The following CXADR variants were observed in gnomAD, a reference collection of about 807,000 sequenced individuals.
The protein encoded by CXADR is CXADR cell adhesion molecule.
CXADR carries 20 observed loss-of-function variants against 40.3 expected under a neutral mutation model. That is an observed-to-expected ratio of 0.50 (90% CI 0.35 to 0.72). The LOEUF is 0.72. Among genes scored for constraint, CXADR ranks in the 30% least tolerant of loss-of-function variants. CXADR has a pLI of 0.01. For missense variants in CXADR, 332 were observed against 449.1 expected (o/e 0.74, Z 2.36); for synonymous variants, 150 against 161.3 (o/e 0.93, Z 0.53).
chr21:17,584,475 G>A (rs1468927029), intron 7 of CXADR, among the ~76,000 whole-genome samples: 1 of 152,132 alleles, frequency 6.6e-6, no homozygotes, highest in East Asian at 1.9e-4. Flanking sequence ...CGTTCAAATG[G>A]TTCCTAATGT....
At chr21:17,613,139 G>A in the CXADR span, 1 of 152,232 alleles carries the variant, frequency 6.6e-6, no homozygotes, top group East Asian at 1.9e-4. Flanking sequence ...GCGGTCCGCA[G>A]AACCGCGGGC....
At chr21:17,525,815 A>G (rs1357410578) in intron 1 of CXADR, among the ~76,000 whole-genome samples, 1 of 152,196 alleles carries the variant, frequency 6.6e-6, no homozygotes, top group African/African-American at 2.4e-5. Flanking sequence ...TATTATTCTC[A>G]TGTATAGGAA....
intron 3 of CXADR, among the ~76,000 whole-genome samples, chr21:17,555,104 A>T (rs2061017280): frequency 6.6e-6 from 1 of 152,202 alleles, no homozygotes; most frequent in South Asian, 2.1e-4. Context: ...AAGAGAGTTG[A>T]TAGAAGGTTA....
intron 1 of CXADR, among the ~76,000 whole-genome samples, chr21:17,540,266 T>A (rs564737346): frequency 3.9e-5 from 6 of 152,170 alleles, no homozygotes; most frequent in African/African-American, 1.4e-4. Flanking sequence ...AGGTCAGGGA[T>A]TCAACATATG....
rs2061195591 is a variant in CXADR, at chr21:17,565,582, C to T, written c.988C>T (p.Pro330Ser). 3 of 1,613,480 alleles carry T rather than the reference C, an allele frequency of 1.9e-6. No homozygotes were observed. Among genetic ancestry groups the T allele is most frequent in the Non-Finnish European group, 2.5e-6 (3 of 1,179,848 alleles). ...QVPSEDFERT[P>S]QSPTLPPAKV... ...ACCAAGTGAAGACTTTGAACGCACTCCTCAGAGTCCGACTCTCCCACCTGC... is the reference window on the plus strand; with the variant it reads ...ACCAAGTGAAGACTTTGAACGCACTTCTCAGAGTCCGACTCTCCCACCTGC... Residue 330 changes from proline (P) to serine (S), a missense_variant, in exon 7 of 7, where the codon CCT (proline) becomes TCT (serine). Physicochemically the swap from Pro to Ser is moderately conservative, Grantham distance 74. This residue lies in a region of CXADR where 150 missense variants were observed against 194.2 expected (regional missense o/e 0.77). Coordinates refer to ENST00000284878, the MANE Select transcript of CXADR (RefSeq NM_001338.5).
the CXADR span, among the ~76,000 whole-genome samples, chr21:17,608,414 T>C: frequency 5.9e-5 from 9 of 152,026 alleles, no homozygotes; most frequent in African/African-American, 2.4e-5. Flanking sequence ...CCAGAGCCAT[T>C]ATTTACTAGT....
chr21:17,545,072 GTT>G (rs869189508), intron 1 of CXADR, among the ~76,000 whole-genome samples: 5,105 of 55,382 alleles, frequency 0.092, 178 homozygotes, highest in African/African-American at 0.21. Flanking sequence ...GCTCTAATGT[GTT>G]TTTTTTTTTT....
downstream of CXADR, chr21:17,594,337 A>G: frequency 1.2e-6 from 2 of 1,611,884 alleles, no homozygotes; most frequent in Non-Finnish European, 1.7e-6. Context: ...TGAAATCTGT[A>G]GGGAAGAGAA....
chr21:17,565,835 A>T lies in CXADR; in HGVS notation c.*143A>T, dbSNP rs527754963. ...CAGGAACTGTACGGAATATATTTTT[A>T]AAAATTTTTGTTTGGTTATATCGAA... is the stretch of plus-strand genomic sequence containing the variant. On this transcript the variant is annotated 3_prime_UTR_variant, in exon 7 of 7. Transcript: ENST00000284878. 35 of 1,321,258 alleles carry T rather than the reference A, an allele frequency of 2.6e-5. 1 individual carries two copies. In the South Asian group the frequency reaches 3.3e-4, roughly 12 times the overall value. The allele number at this position is 1,321,258 out of a possible 1,614,324, so 81.8% of individuals were successfully genotyped here. A position where few individuals can be genotyped will look rare whatever the true frequency, so the allele number is the denominator to read the frequency against.
rs111957996 is a variant in CXADR at position 17,522,154 on chromosome 21, C to CT, written c.43+8992dup. On this transcript the variant is annotated intron_variant, in intron 1 of 6. Coordinates refer to ENST00000284878, the MANE Select transcript of CXADR (RefSeq NM_001338.5). ...CTAGGCTTATTTTTCTTCTTTCTTC[C>CT]TTTTTTTTTTGGAGACGGAGTTTTG... Among the ~76,000 whole-genome samples the CT allele has an allele frequency of 5.0e-3, 740 of 147,078 alleles. 6 individuals are homozygous for CT. Among genetic ancestry groups the CT allele is most frequent in the South Asian group, 0.034 (156 of 4,656 alleles).
exon 8 of CXADR, chr21:17,593,473 CT>C: frequency 4.2e-6 from 1 of 238,150 alleles, no homozygotes; most frequent in Non-Finnish European, 8.1e-6. Context: ...AAATTTTTAA[CT>C]TTTCATATGC....
chr21:17,556,379 A>G (rs2061036246), intron 3 of CXADR, among the ~76,000 whole-genome samples: 1 of 152,204 alleles, frequency 6.6e-6, no homozygotes, highest in African/African-American at 2.4e-5. Flanking sequence ...TTTATTGTGG[A>G]CGGGTTGTAG....
chr21:17,588,756 C>G (rs907892674), intron 7 of CXADR, among the ~76,000 whole-genome samples: 1 of 152,158 alleles, frequency 6.6e-6, no homozygotes, highest in South Asian at 2.1e-4. Context: ...CATTGTTTTA[C>G]TTAAAACAAT....
chr21:17,514,489 CCTTT>C (rs750382929), intron 1 of CXADR, among the ~76,000 whole-genome samples: 6 of 151,740 alleles, frequency 4.0e-5, no homozygotes, highest in South Asian at 4.2e-4. Flanking sequence ...TACATTCCCA[CCTTT>C]CTTTCTTTTT....
chr21:17,605,166 GCA>G, the CXADR span: 2 of 716,406 alleles, frequency 2.8e-6, no homozygotes, highest in Non-Finnish European at 4.2e-6. Flanking sequence ...TGAACTACAG[GCA>G]CAGAGGCAGC....
In CXADR at chr21:17,575,174, TGTTTTGTTTG is replaced by T. The variant is rs144499461; in HGVS notation, c.1017+9582_1017+9591del. Among the ~76,000 whole-genome samples the T allele has an allele frequency of 0.01, 1,534 of 152,078 alleles. 105 individuals are homozygous for T. In the East Asian group the frequency reaches 0.2, roughly 20 times the overall value. ...CTGTTGGGAAGGCTTTTCTGTTTTT[TGTTTTGTTTG>T]GTTTTGTTTGGTTTTGTTGAGACAG... is the stretch of plus-strand genomic sequence containing the variant. On this transcript the variant is annotated intron_variant, in intron 7 of 7. Transcript: ENST00000400169.
intron 3 of CXADR, among the ~76,000 whole-genome samples, chr21:17,558,637 G>A (rs2061067264): frequency 6.6e-6 from 1 of 152,122 alleles, no homozygotes; most frequent in African/African-American, 2.4e-5. Flanking sequence ...ATGGGAGGGG[G>A]AGCTTCCTTG....
At chr21:17,610,037 C>G in the CXADR span, among the ~76,000 whole-genome samples, 1 of 152,134 alleles carries the variant, frequency 6.6e-6, no homozygotes, top group African/African-American at 2.4e-5. Flanking sequence ...ATGGGTGAAC[C>G]TTGAATACAT....
downstream of CXADR, chr21:17,593,631 C>G (rs1405489158): frequency 1.2e-5 from 2 of 161,370 alleles, no homozygotes; most frequent in Non-Finnish European, 2.7e-5. Flanking sequence ...CCCTTTTATG[C>G]ACACAACAGA....
Sources: gnomAD v4.1 joint callset for allele counts (sites outside exome capture counted in the v4.1 genomes callset) on GRCh38, gnomAD v4.1.1 for gene constraint, gnomAD v4.1.1 regional missense constraint, MANE v1.5 for transcripts, NCBI Gene and HGNC (gene_info 2026-07-23, HGNC 2026-07-21) for gene names.